Variants in SHCBP1 observed in about 807,000 individuals in gnomAD.
SHCBP1 encodes SHC SH2 domain-binding protein 1.
Under a neutral mutation model 75.1 loss-of-function variants are expected in SHCBP1, and 60 were observed. The ratio of observed to expected loss-of-function variants is 0.80; its 90% CI spans 0.65 to 0.99. The LOEUF (loss-of-function observed/expected upper bound fraction) is 0.99, where lower values mean the gene tolerates loss of function less well. SHCBP1 is among the 50% of genes least tolerant of loss of function. SHCBP1 has a pLI of 0.00. For synonymous variants in SHCBP1, 290 were observed against 293.2 expected, an observed-to-expected ratio of 0.99 and a Z score of 0.11; for missense variants, 709 against 809.4, an observed-to-expected ratio of 0.88 and a Z score of 1.50.
rs1965508404 is a variant in SHCBP1, at chr16:46,616,912, C to T, written c.387+722G>A. 6.6e-6 allele frequency among the ~76,000 whole-genome samples: 1 copy of T among 152,146 alleles called. No homozygotes were observed. The highest frequency in any genetic ancestry group is 2.1e-4 in the South Asian group (1 of 4,826). Reference sequence around the variant, plus strand: ...AAACTCACAAGCAATAGCTGCAATCCACTGCCTTGTACATAATCACTGTAG... The same window carrying T: ...AAACTCACAAGCAATAGCTGCAATCTACTGCCTTGTACATAATCACTGTAG... On this transcript the variant is annotated intron_variant, in intron 3 of 12. Coordinates refer to ENST00000303383, the MANE Select transcript of SHCBP1 (RefSeq NM_024745.5). The surrounding 1 kb of genome is among the most constrained non-coding windows in gnomAD (Gnocchi z 4.4).
chr16:46,592,701 A>G (rs1965065649), intron 10 of SHCBP1, among the ~76,000 whole-genome samples: 1 of 152,132 alleles, frequency 6.6e-6, no homozygotes, highest in South Asian at 2.1e-4. Flanking sequence ...TCCTAACAAA[A>G]GATTAGCAAA....
At chr16:46,583,761 A>G in intron 11 of SHCBP1, 104 bp from the exon 12 acceptor site, 1 of 1,362,642 alleles carries the variant, frequency 7.3e-7, no homozygotes, top group South Asian at 1.3e-5. Flanking sequence ...GGAAAAAGCT[A>G]TGTTTAGTCC....
At chr16:46,607,061 G>A (rs1216779007) in intron 5 of SHCBP1, among the ~76,000 whole-genome samples, 1 of 151,928 alleles carries the variant, frequency 6.6e-6, no homozygotes, top group African/African-American at 2.4e-5. Flanking sequence ...CTAAGGTCAA[G>A]AGGTCTTCCC....
chr16:46,614,888 T>C (rs1965471639), intron 4 of SHCBP1, among the ~76,000 whole-genome samples: 1 of 152,188 alleles, frequency 6.6e-6, no homozygotes, highest in South Asian at 2.1e-4. Flanking sequence ...GAAAACCAAG[T>C]AAAAGATAAA....
chr16:46,600,686 A>G (rs938868314), intron 8 of SHCBP1, among the ~76,000 whole-genome samples: 1 of 152,172 alleles, frequency 6.6e-6, no homozygotes, highest in Non-Finnish European at 1.5e-5. Context: ...CAGTTACAGG[A>G]AAAAAACAGT....
chr16:46,615,421 T>A (rs1389632064), intron 4 of SHCBP1, among the ~76,000 whole-genome samples: 1 of 152,144 alleles, frequency 6.6e-6, no homozygotes, highest in South Asian at 2.1e-4. Context: ...TTCTATAAGT[T>A]TGAAATTATC....
intron 1 of SHCBP1, among the ~76,000 whole-genome samples, chr16:46,618,816 T>C (rs887142222): frequency 5.3e-5 from 8 of 152,202 alleles, no homozygotes; most frequent in Non-Finnish European, 8.8e-5. Context: ...TGGAAGACAG[T>C]TGATTTTTAA....
chr16:46,583,984 T>A lies in SHCBP1; in HGVS notation c.1551+19A>T, dbSNP rs1408928759. 4 of 1,585,444 alleles carry A rather than the reference T, an allele frequency of 2.5e-6. No homozygotes were observed. The highest frequency in any genetic ancestry group is 3.4e-6 in the Non-Finnish European group (4 of 1,161,324). On this transcript the variant is annotated intron_variant, in intron 11 of 12. Coordinates refer to ENST00000303383, the MANE Select transcript of SHCBP1 (RefSeq NM_024745.5). The stretch of plus-strand genomic sequence containing the variant: ...ACCATTCTATCCATTGAAAAGTGGG[T>A]GTTTTGGCTGATGCTCACCTTAATG...
At chr16:46,610,138 G>A (rs2143001357) in intron 4 of SHCBP1, among the ~76,000 whole-genome samples, 1 of 151,478 alleles carries the variant, frequency 6.6e-6, no homozygotes, top group Admixed American at 6.6e-5. Flanking sequence ...TTTTCGTAGA[G>A]ATAGGGTTTC....
rs1964843266 is a variant in SHCBP1 at position 46,579,796 on chromosome 16, A to C, written c.*1933T>G. Reference sequence around the variant, plus strand: ...CTAAAAATACAAAAATTAGCCAGGCATGGTGGCTGTCATACCAGCTACTTG... The same window carrying C: ...CTAAAAATACAAAAATTAGCCAGGCCTGGTGGCTGTCATACCAGCTACTTG... On this transcript the variant is annotated 3_prime_UTR_variant, in exon 13 of 13. Coordinates refer to ENST00000303383, the MANE Select transcript of SHCBP1 (RefSeq NM_024745.5). Among the ~76,000 whole-genome samples the C allele has an allele frequency of 6.6e-6, 1 of 152,034 alleles. No individual in the cohort carries two copies. The highest frequency in any genetic ancestry group is 6.6e-5 in the Admixed American group (1 of 15,240).
chr16:46,599,279 A>T (rs1965191115), intron 9 of SHCBP1, among the ~76,000 whole-genome samples: 1 of 152,170 alleles, frequency 6.6e-6, no homozygotes, highest in South Asian at 2.1e-4. Flanking sequence ...TCTAATTTTT[A>T]AATTTAACAT....
intron 5 of SHCBP1, among the ~76,000 whole-genome samples, chr16:46,605,160 T>C (rs1464295359): frequency 1.3e-5 from 2 of 152,236 alleles, no homozygotes; most frequent in East Asian, 3.8e-4. Context: ...TGGACAACCA[T>C]ACTGGCACTT....
chr16:46,587,835 C>T (rs1414647726), intron 10 of SHCBP1, among the ~76,000 whole-genome samples: 1 of 152,172 alleles, frequency 6.6e-6, no homozygotes, highest in Non-Finnish European at 1.5e-5. Flanking sequence ...CTACAGAACT[C>T]TCCACCCCAA....
intron 10 of SHCBP1, among the ~76,000 whole-genome samples, chr16:46,593,673 G>A (rs1299573611): frequency 2.0e-5 from 3 of 152,040 alleles, no homozygotes; most frequent in Non-Finnish European, 2.9e-5. Flanking sequence ...GGAGACTGAA[G>A]CTATGCCATA....
chr16:46,618,320 T>G lies in SHCBP1; in HGVS notation c.156A>C (p.Pro52=). 6.2e-7 allele frequency: 1 copy of G among 1,613,438 alleles called. No individual in the cohort carries two copies. Among genetic ancestry groups the G allele is most frequent in the African/African-American group, 1.3e-5 (1 of 74,952 alleles). ...SCSDCSYRDK[P]GSSLQSFMPE... Reference sequence around the variant, plus strand: ...GCATAAAACTTTGTAAACTAGAACCTGGTTTATCACGGTAGCTACAATCAC... The same window carrying G: ...GCATAAAACTTTGTAAACTAGAACCGGGTTTATCACGGTAGCTACAATCAC... The change falls in exon 2 of 13, where the codon CCA becomes CCC. Residue 52 remains proline (P), a synonymous_variant. Coordinates refer to ENST00000303383, the MANE Select transcript of SHCBP1 (RefSeq NM_024745.5).
In SHCBP1 at chr16:46,603,991, T is replaced by A; in HGVS notation, c.1076A>T (p.Glu359Val). 1 of 1,608,976 alleles carries A rather than the reference T, an allele frequency of 6.2e-7. No homozygotes were observed. The highest frequency in any genetic ancestry group is 8.5e-7 in the Non-Finnish European group (1 of 1,178,862). The part of the protein sequence containing the change: ...TDRLCQEPGE[E>V]EREIQFHSDP... ...TCCGTTTACCTGAATTTCTCTTTCTTCCTCACCAGGCTCCTGGCAAAGCCT... is the reference window on the plus strand; with the variant it reads ...TCCGTTTACCTGAATTTCTCTTTCTACCTCACCAGGCTCCTGGCAAAGCCT... Residue 359 changes from glutamate (E) to valine (V), a missense_variant, in exon 7 of 13, where the codon GAA (glutamate) becomes GTA (valine). Transcript: ENST00000303383.
chr16:46,582,557 G>T (rs945996825), intron 12 of SHCBP1, among the ~76,000 whole-genome samples: 2 of 152,214 alleles, frequency 1.3e-5, no homozygotes, highest in Non-Finnish European at 2.9e-5. Flanking sequence ...AGATGGGGGG[G>T]CCATGAGGCA....
At chr16:46,593,150 G>A (rs1037527575) in intron 10 of SHCBP1, among the ~76,000 whole-genome samples, 4 of 151,438 alleles carry the variant, frequency 2.6e-5, no homozygotes, top group African/African-American at 9.7e-5. Flanking sequence ...AAGGCATAAA[G>A]ATTAGAAAAG....
chr16:46,603,899 C>T, intron 7 of SHCBP1, 76 bp downstream of exon 7: 1 of 1,526,018 alleles, frequency 6.6e-7, no homozygotes, highest in Non-Finnish European at 8.8e-7. Flanking sequence ...CCTGTAAATA[C>T]TTTGTGGGAT....
Sources: gnomAD v4.1 joint callset for allele counts (sites outside exome capture counted in the v4.1 genomes callset) on GRCh38, gnomAD v4.1.1 for gene constraint, Gnocchi (gnomAD v3.1) non-coding constraint, MANE v1.5 for transcripts, NCBI Gene and HGNC (gene_info 2026-07-23, HGNC 2026-07-21) for gene names.